ZNRF1: variants seen among roughly 807,000 people sequenced by gnomAD.
The protein encoded by ZNRF1 is zinc and ring finger 1.
In ZNRF1, 3 loss-of-function variants were observed where a neutral mutation model predicts 18.4. The ratio of observed to expected loss-of-function variants is 0.16; its 90% CI spans 0.07 to 0.42. ZNRF1 has a LOEUF of 0.42. Among genes scored for constraint, ZNRF1 ranks in the 10% least tolerant of loss-of-function variants. The pLI, the probability that ZNRF1 is intolerant of heterozygous loss-of-function variation, is 0.99. For synonymous variants in ZNRF1, 157 were observed against 144.2 expected, an observed-to-expected ratio of 1.09 and a Z score of -0.64; for missense variants, 310 against 329.8, an observed-to-expected ratio of 0.94 and a Z score of 0.47.
At chr16:75,096,212 G>A (rs149541912) in intron 2 of ZNRF1, among the ~76,000 whole-genome samples, 56 of 152,252 alleles carry the variant, frequency 3.7e-4, no homozygotes, top group Middle Eastern at 3.4e-3. Flanking sequence ...TTGTCTCAAC[G>A]TGGTGAAGTG....
At chr16:75,039,474 C>T (rs1176463204) in intron 1 of ZNRF1, among the ~76,000 whole-genome samples, 3 of 152,120 alleles carry the variant, frequency 2.0e-5, no homozygotes, top group African/African-American at 7.2e-5. Flanking sequence ...TTATAAAAAT[C>T]CTTGGAGTTA....
intron 1 of ZNRF1, among the ~76,000 whole-genome samples, chr16:75,016,201 G>A (rs183308448): frequency 1.2e-3 from 179 of 151,904 alleles, no homozygotes; most frequent in Non-Finnish European, 1.8e-3. Context: ...GGGATTACAG[G>A]CATGAGCCAC....
intron 1 of ZNRF1, among the ~76,000 whole-genome samples, chr16:75,043,644 A>G (rs1006734190): frequency 6.6e-6 from 1 of 152,146 alleles, no homozygotes; most frequent in Non-Finnish European, 1.5e-5. Flanking sequence ...TCACAATCTG[A>G]TAAACTCTGA....
At chr16:75,103,154 C>T (rs919565408) in intron 2 of ZNRF1, among the ~76,000 whole-genome samples, 5 of 152,158 alleles carry the variant, frequency 3.3e-5, no homozygotes, top group Non-Finnish European at 5.9e-5. Flanking sequence ...GCTTGAATCC[C>T]GAGATCATGG....
At chr16:75,004,013 T>G (rs1167428492) in intron 1 of ZNRF1, among the ~76,000 whole-genome samples, 1 of 151,082 alleles carries the variant, frequency 6.6e-6, no homozygotes, top group East Asian at 1.9e-4. Context: ...CAGGCTGGAG[T>G]GCAGTGGCGA....
At chr16:75,072,064 G>A (rs886253686) in intron 1 of ZNRF1, among the ~76,000 whole-genome samples, 8 of 151,602 alleles carry the variant, frequency 5.3e-5, no homozygotes, top group Admixed American at 1.3e-4. Context: ...TCAGCCTCCC[G>A]AATAGCTGGG....
chr16:75,041,119 G>A (rs2145361890), intron 1 of ZNRF1, among the ~76,000 whole-genome samples: 1 of 152,238 alleles, frequency 6.6e-6, no homozygotes, highest in Admixed American at 6.5e-5. Flanking sequence ...ATTTTATGTG[G>A]ACATAAGATT....
At chr16:75,011,544 T>C in intron 1 of ZNRF1, among the ~76,000 whole-genome samples, 1 of 152,212 alleles carries the variant, frequency 6.6e-6, no homozygotes, top group East Asian at 1.9e-4. Flanking sequence ...AAGACACTTT[T>C]TTATAGCTCT....
At chr16:75,037,975 G>T (rs1005739921) in intron 1 of ZNRF1, among the ~76,000 whole-genome samples, 1 of 152,094 alleles carries the variant, frequency 6.6e-6, no homozygotes, top group African/African-American at 2.4e-5. Flanking sequence ...CTTCCTTCTG[G>T]TAGCTAGATT....
intron 1 of ZNRF1, among the ~76,000 whole-genome samples, chr16:75,091,358 C>CAA (rs71158576): frequency 0.047 from 6,201 of 133,228 alleles, 177 homozygotes; most frequent in African/African-American, 0.072. Context: ...GACTCCATCT[C>CAA]AAAAAAAAAA....
At chr16:75,074,304 C>T (rs961328105) in intron 1 of ZNRF1, among the ~76,000 whole-genome samples, 5 of 152,146 alleles carry the variant, frequency 3.3e-5, no homozygotes, top group Non-Finnish European at 7.3e-5. Context: ...GGGGTCATGC[C>T]ACCCGGTGAG....
rs573287565 is a variant in ZNRF1 at position 75,052,223 on chromosome 16, A to AC, written c.425-41345dup. 3.4e-3 allele frequency among the ~76,000 whole-genome samples: 519 copies of AC among 152,038 alleles called. 6 individuals are homozygous for AC. The highest frequency in any genetic ancestry group is 0.012 in the African/African-American group (491 of 41,478). On this transcript the variant is annotated intron_variant, in intron 1 of 4. Coordinates refer to ENST00000335325, the MANE Select transcript of ZNRF1 (RefSeq NM_032268.5). Reference sequence around the variant, plus strand: ...AGACCAACTTGGGCAACATGGTGAAACCCCATCTCTACCAAAAATACATAA... The same window carrying AC: ...AGACCAACTTGGGCAACATGGTGAAACCCCCATCTCTACCAAAAATACATAA...
At chr16:75,038,353 C>G (rs1434858022) in intron 1 of ZNRF1, among the ~76,000 whole-genome samples, 1 of 152,186 alleles carries the variant, frequency 6.6e-6, no homozygotes, top group East Asian at 1.9e-4. Context: ...CTCGCTGTGG[C>G]TGTCTCCCTA....
intron 2 of ZNRF1, chr16:75,095,168 A>G (rs1333399761): frequency 6.5e-6 from 1 of 154,128 alleles, no homozygotes; most frequent in Non-Finnish European, 1.4e-5. Context: ...GCAGGTGGGC[A>G]TATTACCCAC....
At chr16:75,018,940 C>T (rs988062328) in intron 1 of ZNRF1, among the ~76,000 whole-genome samples, 3 of 151,920 alleles carry the variant, frequency 2.0e-5, no homozygotes, top group Non-Finnish European at 4.4e-5. Flanking sequence ...CTGAGGCAGG[C>T]GGATCATTTG....
chr16:75,091,388 T>C (rs935216299), intron 1 of ZNRF1, among the ~76,000 whole-genome samples: 28 of 150,486 alleles, frequency 1.9e-4, no homozygotes, highest in African/African-American at 6.6e-4. Context: ...AAAAGAAATA[T>C]TGCAGATGGT....
intron 1 of ZNRF1, among the ~76,000 whole-genome samples, chr16:75,025,193 G>T (rs1375004328): frequency 6.6e-6 from 1 of 151,980 alleles, no homozygotes; most frequent in Non-Finnish European, 1.5e-5. Context: ...TCAGCCTCTT[G>T]AGTAGCTGGG....
intron 1 of ZNRF1, among the ~76,000 whole-genome samples, chr16:75,035,523 A>G (rs758434820): frequency 5.9e-5 from 9 of 152,204 alleles, no homozygotes; most frequent in Admixed American, 2.0e-4. Flanking sequence ...GCATAGGCAG[A>G]AGGAGAGACT....
chr16:75,102,182 A>G (rs1489154279), intron 2 of ZNRF1, among the ~76,000 whole-genome samples: 5 of 152,098 alleles, frequency 3.3e-5, no homozygotes, highest in African/African-American at 9.7e-5. Flanking sequence ...GCCCTGAAGA[A>G]TCTTCATTTT....
Sources: allele counts gnomAD v4.1 joint callset (sites outside exome capture counted in the v4.1 genomes callset), GRCh38; gene constraint gnomAD v4.1.1; transcripts MANE v1.5; gene names NCBI Gene and HGNC (gene_info 2026-07-23, HGNC 2026-07-21).